CCDC85C: variants seen among roughly 807,000 people sequenced by gnomAD.
The protein encoded by CCDC85C is coiled-coil domain containing 85C, also known as coiled-coil domain-containing protein 85C.
CCDC85C carries 18 observed loss-of-function variants against 38.3 expected under a neutral mutation model. That is an observed-to-expected ratio of 0.47 (90% CI 0.33 to 0.70). The LOEUF (loss-of-function observed/expected upper bound fraction) is 0.70, where lower values mean the gene tolerates loss of function less well. CCDC85C is among the 30% of genes least tolerant of loss of function. CCDC85C has a pLI of 0.03. For synonymous variants in CCDC85C, 264 were observed against 293.8 expected (o/e 0.90, Z 1.04); for missense variants, 566 against 621.2 (o/e 0.91, Z 0.94).
rs1021258545 is a variant in CCDC85C at position 99,531,845 on chromosome 14, G to A, written c.867+4170C>T. 7.9e-5 allele frequency among the ~76,000 whole-genome samples: 12 copies of A among 152,302 alleles called. No individual in the cohort carries two copies. In the South Asian group the frequency reaches 1.4e-3, roughly 18 times the overall value. ...GGCTTAGGACAGCATCTCATTCAAG[G>A]CTGTGAACTCTTTCTTCAAGATTCC... is the stretch of plus-strand genomic sequence containing the variant. On this transcript the variant is annotated intron_variant, in intron 2 of 5. Transcript: ENST00000380243.
Position 99,501,564 on chromosome 14 carries a change from C to T in CCDC85C, c.*13682G>A. 1 of 605,720 alleles carries T rather than the reference C, an allele frequency of 1.7e-6. No homozygotes were observed. Among genetic ancestry groups the T allele is most frequent in the Admixed American group, 3.0e-5 (1 of 33,082 alleles). The allele number at this position is 605,720 out of a possible 1,614,324, so 37.5% of individuals were successfully genotyped here. A position where few individuals can be genotyped will look rare whatever the true frequency, so the allele number is the denominator to read the frequency against. On this transcript the variant is annotated 3_prime_UTR_variant, in exon 6 of 6. Coordinates refer to ENST00000380243, the MANE Select transcript of CCDC85C (RefSeq NM_001144995.2). ...TTAATGGCAAAGCTGGGGCTGACGT[C>T]CAGGTCATCTGCTTCCCGGCAGAGG...
At chr14:99,515,382 C>T (rs1480969032) in intron 5 of CCDC85C, 47 bp from the exon 6 acceptor site, 1 of 1,420,050 alleles carries the variant, frequency 7.0e-7, no homozygotes, top group Non-Finnish European at 9.7e-7. Flanking sequence ...CCCGCGTCCA[C>T]CTGCCGCCTA....
intron 1 of CCDC85C, among the ~76,000 whole-genome samples, chr14:99,559,237 G>T (rs1898069334): frequency 6.6e-6 from 1 of 151,776 alleles, no homozygotes; most frequent in Non-Finnish European, 1.5e-5. Flanking sequence ...CCTCCAAAAG[G>T]AACTGGCCCC....
In CCDC85C at chr14:99,592,447, C is replaced by G. The variant is rs577694656; in HGVS notation, c.793+10720G>C. 1.6e-4 allele frequency among the ~76,000 whole-genome samples: 24 copies of G among 152,306 alleles called. 1 individual carries two copies. The South Asian group carries it at 5.0e-3, about 32-fold the overall frequency. On this transcript the variant is annotated intron_variant, in intron 1 of 5. Transcript: ENST00000380243. ...GGTAGGGAGAGACTGCTCAGCCCAG[C>G]CCAGGGCGATGTTTTCCCTCTGGGC...
At position 99,511,093 on chromosome 14, in the gene CCDC85C, TA is replaced by T. The variant is rs1897120315; in HGVS notation, c.*4152del. 4.4e-6 allele frequency: 1 copy of T among 229,734 alleles called. No homozygotes were observed. The highest frequency in any genetic ancestry group is 8.4e-6 in the Non-Finnish European group (1 of 118,844). The allele number at this position is 229,734 out of a possible 1,614,324, so 14.2% of individuals were successfully genotyped here. A position where few individuals can be genotyped will look rare whatever the true frequency, so the allele number is the denominator to read the frequency against. On this transcript the variant is annotated 3_prime_UTR_variant, in exon 6 of 6. Transcript: ENST00000380243. ...ACGTTAACCAGCCATATTGGCTCAA[TA>T]AATAGCTTCGGTAAGGAGTTAATTT...
In CCDC85C at chr14:99,544,613, G is replaced by A. The variant is rs80271976; in HGVS notation, c.794-8525C>T. Among the ~76,000 whole-genome samples the A allele has an allele frequency of 0.019, 2,882 of 152,172 alleles. 99 individuals carry two copies. Among genetic ancestry groups the A allele is most frequent in the African/African-American group, 0.066 (2,758 of 41,494 alleles). On this transcript the variant is annotated intron_variant, in intron 1 of 5. Transcript: ENST00000380243. The surrounding 1 kb of genome is among the most constrained non-coding windows in gnomAD (Gnocchi z 5.3). ...AAGACAGCCTGACTCCCCTCTCCCA[G>A]AGCAGAAATTCTCTTCGTGACGCAA...
chr14:99,553,789 C>A (rs1213705248), intron 1 of CCDC85C, among the ~76,000 whole-genome samples: 5 of 152,248 alleles, frequency 3.3e-5, no homozygotes, highest in African/African-American at 1.2e-4. Context: ...CAGGGCTGGG[C>A]TGAGCCCCTG....
chr14:99,537,999 G>A (rs1897638418), intron 1 of CCDC85C, among the ~76,000 whole-genome samples: 1 of 152,148 alleles, frequency 6.6e-6, no homozygotes. Flanking sequence ...AGACCCTTCC[G>A]GCTCCCTCAC....
Position 99,511,005 on chromosome 14 carries a change from T to C in CCDC85C, c.*4241A>G. On this transcript the variant is annotated 3_prime_UTR_variant, in exon 6 of 6. Transcript: ENST00000380243. ...CTCATCAGTGCCCTTGCAGTCTGAC[T>C]GTGTACACTTGGTTCAGCTAATGTC... 1 of 375,508 alleles carries C rather than the reference T, an allele frequency of 2.7e-6. No homozygotes were observed. The allele number at this position is 375,508 out of a possible 1,614,324, so 23.3% of individuals were successfully genotyped here.
rs543981004 is a variant in CCDC85C, at chr14:99,504,150, A to G, written c.*11096T>C. ...GAACCCAAAGTTAGTTCATGTCAAT[A>G]TTGGAAATAAACAGAAGGAGTGAGC... is the stretch of plus-strand genomic sequence containing the variant. On this transcript the variant is annotated 3_prime_UTR_variant, in exon 6 of 6. Coordinates refer to ENST00000380243, the MANE Select transcript of CCDC85C (RefSeq NM_001144995.2). The G allele has an allele frequency of 2.4e-5, 7 of 286,172 alleles. No individual in the cohort carries two copies. Among genetic ancestry groups the G allele is most frequent in the Non-Finnish European group, 5.0e-5 (7 of 139,862 alleles). The allele number at this position is 286,172 out of a possible 1,614,324, so 17.7% of individuals were successfully genotyped here.
At chr14:99,575,416 C>T (rs796576153) in intron 1 of CCDC85C, among the ~76,000 whole-genome samples, 29 of 152,324 alleles carry the variant, frequency 1.9e-4, no homozygotes, top group African/African-American at 6.5e-4. Context: ...CAGCGACCCT[C>T]ACCCCCTTCT....
chr14:99,603,599 C>A lies in CCDC85C; in HGVS notation c.361G>T (p.Ala121Ser). The change falls in exon 1 of 6, where the codon GCC becomes TCC. Residue 121 changes from alanine (A) to serine (S), a missense_variant. Ala to Ser is a moderately conservative substitution (Grantham distance 99, BLOSUM62 1). Around this residue, in one of 3 missense-constraint regions of CCDC85C, gnomAD observed 269 missense variants for 308.2 expected, o/e 0.87. Coordinates refer to ENST00000380243, the MANE Select transcript of CCDC85C (RefSeq NM_001144995.2). The surrounding 1 kb of genome is among the most constrained non-coding windows in gnomAD (Gnocchi z 7.5). ...HAAGAVWHEV[A>S]RSQQKLRELE... ...TCGCGCAGCTTCTGCTGCGAGCGGG[C>A]CACCTCGTGCCACACGGCGCCGGCC... 6.9e-7 allele frequency: 1 copy of A among 1,442,776 alleles called. No homozygotes were observed. Among genetic ancestry groups the A allele is most frequent in the Non-Finnish European group, 9.1e-7 (1 of 1,102,154 alleles). 89.4% of individuals were successfully genotyped at this position (1,442,776 alleles called of 1,614,324 possible).
Position 99,603,154 on chromosome 14 carries a change from G to C in CCDC85C, c.793+13C>G. On this transcript the variant is annotated intron_variant, in intron 1 of 5. Coordinates refer to ENST00000380243, the MANE Select transcript of CCDC85C (RefSeq NM_001144995.2). This position sits in a 1 kb window ranked among gnomAD's most constrained non-coding sequence, Gnocchi z 7.5. ...CAGGGAGACCCGCGCTGCCCGGCCC[G>C]TGTAGTCCTTACCGTGCAGGCCGTT... is the stretch of plus-strand genomic sequence containing the variant. The C allele has an allele frequency of 7.4e-7, 1 of 1,351,230 alleles. No individual in the cohort carries two copies. Among genetic ancestry groups the C allele is most frequent in the South Asian group, 1.8e-5 (1 of 55,728 alleles). The allele number at this position is 1,351,230 out of a possible 1,614,324, so 83.7% of individuals were successfully genotyped here. A position where few individuals can be genotyped will look rare whatever the true frequency, so the allele number is the denominator to read the frequency against.
chr14:99,586,949 G>C (rs1289187366), intron 1 of CCDC85C, among the ~76,000 whole-genome samples: 4 of 152,242 alleles, frequency 2.6e-5, no homozygotes, highest in African/African-American at 7.2e-5. Flanking sequence ...CGCTCACAGA[G>C]GGCCTCTGCC....
At position 99,548,663 on chromosome 14, in the gene CCDC85C, G is replaced by A. The variant is rs147446423; in HGVS notation, c.794-12575C>T. 6.6e-6 allele frequency among the ~76,000 whole-genome samples: 1 copy of A among 152,196 alleles called. No individual in the cohort carries two copies. Among genetic ancestry groups the A allele is most frequent in the Non-Finnish European group, 1.5e-5 (1 of 68,020 alleles). On this transcript the variant is annotated intron_variant, in intron 1 of 5. Coordinates refer to ENST00000380243, the MANE Select transcript of CCDC85C (RefSeq NM_001144995.2). The surrounding 1 kb of genome is among the most constrained non-coding windows in gnomAD (Gnocchi z 4.9). ...TGAAATACTGTAGCGAGATAAAAATGAACAAACAAGAGCCAGGCAGAGGGG... is the reference window on the plus strand; with the variant it reads ...TGAAATACTGTAGCGAGATAAAAATAAACAAACAAGAGCCAGGCAGAGGGG...
At position 99,568,250 on chromosome 14, in the gene CCDC85C, A is replaced by AT. The variant is rs3070390; in HGVS notation, c.794-32163dup. ...ACTCTCTGGAGGCCACCTGCCCTTT[A>AT]TTTTTTTTTTTTTTTTTTTTGAGAC... On this transcript the variant is annotated intron_variant, in intron 1 of 5. Transcript: ENST00000380243. 6.1e-3 allele frequency among the ~76,000 whole-genome samples: 780 copies of AT among 126,920 alleles called. 12 individuals carry two copies. Among genetic ancestry groups the AT allele is most frequent in the Middle Eastern group, 0.017 (4 of 242 alleles). The allele number at this position is 126,920 out of a possible 152,430, so 83.3% of individuals were successfully genotyped here.
chr14:99,510,140 G>A lies in CCDC85C; in HGVS notation c.*5106C>T. On this transcript the variant is annotated 3_prime_UTR_variant, in exon 6 of 6. Transcript: ENST00000380243. The stretch of plus-strand genomic sequence containing the variant: ...TTGCTGGCGGAGGCCGGGCACTGAT[G>A]CGTCTCTCTCCTGCAGACCGGAAGC... 6.3e-7 allele frequency: 1 copy of A among 1,587,738 alleles called. No individual in the cohort carries two copies. The highest frequency in any genetic ancestry group is 1.3e-5 in the African/African-American group (1 of 74,598).
intron 1 of CCDC85C, among the ~76,000 whole-genome samples, chr14:99,594,004 G>A (rs1003753991): frequency 2.9e-5 from 4 of 136,100 alleles, no homozygotes; most frequent in African/African-American, 1.1e-4. Context: ...CCCTCTTGGG[G>A]AGGTTTGATT....
rs1375757182 is a variant in CCDC85C at position 99,502,532 on chromosome 14, T to G, written c.*12714A>C. The G allele has an allele frequency of 1.5e-6, 2 of 1,316,526 alleles. No individual in the cohort carries two copies. The highest frequency in any genetic ancestry group is 2.0e-6 in the Non-Finnish European group (2 of 975,612). The allele number at this position is 1,316,526 out of a possible 1,614,324, so 81.6% of individuals were successfully genotyped here. A position where few individuals can be genotyped will look rare whatever the true frequency, so the allele number is the denominator to read the frequency against. Reference sequence around the variant, plus strand: ...TTAAATTATCTAATAGTTTCCACTTTGTCCAAACACATACTTTTGGTAAAC... The same window carrying G: ...TTAAATTATCTAATAGTTTCCACTTGGTCCAAACACATACTTTTGGTAAAC... On this transcript the variant is annotated 3_prime_UTR_variant, in exon 6 of 6. Coordinates refer to ENST00000380243, the MANE Select transcript of CCDC85C (RefSeq NM_001144995.2).
Sources: allele counts gnomAD v4.1 joint callset (sites outside exome capture counted in the v4.1 genomes callset), GRCh38; gene constraint gnomAD v4.1.1; regional missense constraint gnomAD v4.1.1; non-coding constraint Gnocchi (gnomAD v3.1); transcripts MANE v1.5; gene names NCBI Gene and HGNC (gene_info 2026-07-23, HGNC 2026-07-21).